WNK1: variants seen among roughly 807,000 people sequenced by gnomAD.
WNK1 encodes the protein serine/threonine-protein kinase WNK1.
Under a neutral mutation model 222.8 loss-of-function variants are expected in WNK1, and 38 were observed. The observed-to-expected ratio is 0.17, with a 90% CI of 0.13 to 0.22. WNK1 has a LOEUF of 0.22. Among genes scored for constraint, WNK1 ranks in the 10% least tolerant of loss-of-function variants. The pLI is 1.00. For missense variants in WNK1, 2,348 were observed against 2,918.4 expected, an observed-to-expected ratio of 0.80 and a Z score of 4.50; for synonymous variants, 1,090 against 1,092.9, an observed-to-expected ratio of 1.00 and a Z score of 0.05.
intron 1 of WNK1, among the ~76,000 whole-genome samples, chr12:809,335 T>C (rs1946697789): frequency 6.6e-6 from 1 of 151,606 alleles, no homozygotes; most frequent in South Asian, 2.1e-4. Context: ...GATGCCATGT[T>C]TACCTGCCCC....
intron 2 of WNK1, among the ~76,000 whole-genome samples, chr12:814,387 A>G (rs1331659349): frequency 6.6e-6 from 1 of 151,924 alleles, no homozygotes; most frequent in Admixed American, 6.6e-5. Context: ...TCTAGTGGTT[A>G]AAATGAGATT....
chr12:881,879 A>G, intron 13 of WNK1, 32 bp from the exon 14 acceptor site: 4 of 1,614,004 alleles, frequency 2.5e-6, no homozygotes, highest in Non-Finnish European at 3.4e-6. Context: ...CATATTATAA[A>G]CTGCACTTTT....
intron 9 of WNK1, among the ~76,000 whole-genome samples, chr12:877,406 G>A (rs749847494): frequency 8.5e-5 from 13 of 152,094 alleles, no homozygotes; most frequent in Non-Finnish European, 1.8e-4. Flanking sequence ...GTACTCTAGG[G>A]GTCATAGTCC....
At chr12:893,349 T>C (rs1477755558) in intron 22 of WNK1, among the ~76,000 whole-genome samples, 1 of 152,116 alleles carries the variant, frequency 6.6e-6, no homozygotes, top group Non-Finnish European at 1.5e-5. Flanking sequence ...ATACATAGGG[T>C]ATGACACTAT....
chr12:799,203 A>G (rs1945636739), intron 1 of WNK1, among the ~76,000 whole-genome samples: 1 of 152,056 alleles, frequency 6.6e-6, no homozygotes, highest in Non-Finnish European at 1.5e-5. Flanking sequence ...AGCTTACAGC[A>G]GCCTCAACCT....
chr12:789,303 G>T (rs1944617523), intron 1 of WNK1, among the ~76,000 whole-genome samples: 1 of 152,166 alleles, frequency 6.6e-6, no homozygotes, highest in South Asian at 2.1e-4. Flanking sequence ...TCAGTGAGAA[G>T]CTTAACAGTG....
At chr12:857,739 G>A (rs1950895403) in intron 5 of WNK1, among the ~76,000 whole-genome samples, 1 of 152,206 alleles carries the variant, frequency 6.6e-6, no homozygotes, top group Admixed American at 6.5e-5. Context: ...CCCAGGGGTT[G>A]GAAGGAGATG....
At chr12:868,450 A>G (rs369273248) in intron 8 of WNK1, 2 of 1,613,974 alleles carry the variant, frequency 1.2e-6, no homozygotes, top group Non-Finnish European at 1.7e-6. Context: ...CTTTCCTGGT[A>G]GGACACCTTC....
rs1309117191 is a variant in WNK1 at position 759,445 on chromosome 12, C to T, written c.759+5121C>T. On this transcript the variant is annotated intron_variant, in intron 1 of 27. Coordinates refer to ENST00000315939, the MANE Select transcript of WNK1 (RefSeq NM_018979.4). Reference sequence around the variant, plus strand: ...TCCCGGGTTCCAGCAATGCTCCTGCCTCAGCCCCCTGAGTAGCTGGGATTA... The same window carrying T: ...TCCCGGGTTCCAGCAATGCTCCTGCTTCAGCCCCCTGAGTAGCTGGGATTA... Among the ~76,000 whole-genome samples the T allele has an allele frequency of 1.4e-5, 2 of 147,354 alleles. 1 individual carries two copies. Among genetic ancestry groups the T allele is most frequent in the Non-Finnish European group, 3.0e-5 (2 of 65,980 alleles).
chr12:829,942 C>G (rs961970176), intron 3 of WNK1, 61 bp from the exon 4 acceptor site: 7 of 1,584,818 alleles, frequency 4.4e-6, no homozygotes, highest in Non-Finnish European at 6.1e-6. Flanking sequence ...GCTTCTCACC[C>G]CGGTGAGTAA....
chr12:860,504 A>C (rs1446783309), intron 6 of WNK1, among the ~76,000 whole-genome samples: 1 of 152,216 alleles, frequency 6.6e-6, no homozygotes. Context: ...TGAGTTACTT[A>C]TGTTTAATTG....
rs995160471 is a variant in WNK1, at chr12:753,552, C to T, written c.-14C>T. The T allele has an allele frequency of 1.9e-6, 3 of 1,612,090 alleles. No individual in the cohort carries two copies. Among genetic ancestry groups the T allele is most frequent in the Middle Eastern group, 1.8e-4 (1 of 5,664 alleles). On this transcript the variant is annotated 5_prime_UTR_variant, in exon 1 of 28. Coordinates refer to ENST00000315939, the MANE Select transcript of WNK1 (RefSeq NM_018979.4). The surrounding 1 kb of genome is among the most constrained non-coding windows in gnomAD (Gnocchi z 5.2). ...CGAATCCGAGCCCGCTCGCCTCTCT[C>T]CAGCGAACCGACCATGTCTGGCGGC...
At chr12:887,942 A>G (rs979277015) in intron 20 of WNK1, among the ~76,000 whole-genome samples, 1 of 141,030 alleles carries the variant, frequency 7.1e-6, no homozygotes, top group Admixed American at 7.3e-5. Context: ...CATCTCACAC[A>G]GTTCTGCTCA....
chr12:876,184 C>T (rs982218111), intron 9 of WNK1, among the ~76,000 whole-genome samples: 1 of 152,046 alleles, frequency 6.6e-6, no homozygotes. Context: ...CCGAGGTGCA[C>T]GGATCACAAG....
At chr12:907,395 C>T (rs932241070) in intron 26 of WNK1, among the ~76,000 whole-genome samples, 6 of 152,066 alleles carry the variant, frequency 3.9e-5, no homozygotes, top group African/African-American at 1.2e-4. Context: ...TATCCTTAGC[C>T]AAGCATCTTT....
intron 1 of WNK1, among the ~76,000 whole-genome samples, chr12:782,684 T>C (rs1426847003): frequency 6.6e-6 from 1 of 152,058 alleles, no homozygotes; most frequent in Non-Finnish European, 1.5e-5. Flanking sequence ...TTTATATTTT[T>C]ATAGAGACGG....
At chr12:861,523 G>A (rs1178764475) in intron 7 of WNK1, among the ~76,000 whole-genome samples, 180 bp downstream of exon 7, 2 of 152,150 alleles carry the variant, frequency 1.3e-5, no homozygotes, top group Admixed American at 1.3e-4. Context: ...GAGAATAGAA[G>A]GATGGGGTGG....
In WNK1 at chr12:885,074, A is replaced by G. The variant is rs752331641; in HGVS notation, c.4270A>G (p.Ile1424Val). 4.2e-5 allele frequency: 67 copies of G among 1,614,040 alleles called. 2 individuals are homozygous for G. The South Asian group carries it at 6.7e-4, about 16-fold the overall frequency. ...SSITIPAVVS[I>V]STTSPSLQVP... ...TATCACAATACCTGCAGTTGTCTCAATATCTACTACATCCCCGTCACTTCA... is the reference window on the plus strand; with the variant it reads ...TATCACAATACCTGCAGTTGTCTCAGTATCTACTACATCCCCGTCACTTCA... Residue 1424 changes from isoleucine to valine, a missense_variant, in exon 19 of 28, where the codon ATA (isoleucine) becomes GTA (valine). Ile to Val is a conservative substitution (Grantham distance 29). Coordinates refer to ENST00000315939, the MANE Select transcript of WNK1 (RefSeq NM_018979.4).
At chr12:905,271 T>C (rs12297871) in intron 26 of WNK1, among the ~76,000 whole-genome samples, 558 of 152,194 alleles carry the variant, frequency 3.7e-3, no homozygotes, top group African/African-American at 0.013. Flanking sequence ...GGTCAGAAAA[T>C]GATAGGTTTG....
Sources: allele counts gnomAD v4.1 joint callset (sites outside exome capture counted in the v4.1 genomes callset), GRCh38; gene constraint gnomAD v4.1.1; non-coding constraint Gnocchi (gnomAD v3.1); transcripts MANE v1.5; gene names NCBI Gene and HGNC (gene_info 2026-07-23, HGNC 2026-07-21).